The following ANKUB1 variants were observed in gnomAD, a reference collection of about 807,000 sequenced individuals.
ANKUB1 encodes ankyrin repeat and ubiquitin domain containing 1, also known as protein ANKUB1.
Under a neutral mutation model 49.3 loss-of-function variants are expected in ANKUB1, and 42 were observed. The ratio of observed to expected loss-of-function variants is 0.85; its 90% confidence interval spans 0.67 to 1.10. ANKUB1 has a LOEUF of 1.10. ANKUB1 is among the 50% of genes least tolerant of loss of function. The probability of loss-of-function intolerance (pLI) is 0.00; values close to 1 mark genes in which losing one functional copy is unlikely to be tolerated. For synonymous variants in ANKUB1, 222 were observed against 231.0 expected (o/e 0.96, Z 0.35); for missense variants, 613 against 642.0 (o/e 0.95, Z 0.49).
At chr3:149,761,863 T>C (rs953501166) in intron 5 of ANKUB1, among the ~76,000 whole-genome samples, 7 of 152,230 alleles carry the variant, frequency 4.6e-5, no homozygotes, top group Admixed American at 2.6e-4. Context: ...CTCAATATCA[T>C]GTAGAATTCT....
At chr3:149,792,206 T>C (rs1270278444) in intron 1 of ANKUB1, 71 bp downstream of exon 1, 3 of 1,109,718 alleles carry the variant, frequency 2.7e-6, no homozygotes, top group African/African-American at 3.2e-5. Context: ...CTCTACCCTT[T>C]GTACATTTTT....
chr3:149,764,508 A>G (rs1716903738), intron 5 of ANKUB1, among the ~76,000 whole-genome samples: 1 of 116,276 alleles, frequency 8.6e-6, no homozygotes, highest in South Asian at 2.7e-4. Flanking sequence ...CAGACTGACC[A>G]CCACTCCCCC....
intron 3 of ANKUB1, among the ~76,000 whole-genome samples, chr3:149,775,018 G>A (rs573823085): frequency 1.3e-5 from 2 of 152,224 alleles, no homozygotes; most frequent in Admixed American, 1.3e-4. Context: ...TCTTAGTTTT[G>A]GATTTTTAAA....
intron 3 of ANKUB1, chr3:149,779,193 T>TC (rs1437798371): frequency 6.6e-6 from 1 of 151,220 alleles, no homozygotes; most frequent in African/African-American, 2.4e-5. Flanking sequence ...TTTTTTTTTT[T>TC]CGAGACAGGG....
chr3:149,764,594 TC>T (rs1215332767), intron 5 of ANKUB1, among the ~76,000 whole-genome samples: 12 of 111,538 alleles, frequency 1.1e-4, no homozygotes, highest in Admixed American at 1.8e-4. Context: ...CTCCCTCCCT[TC>T]CTTCCTCCCT....
At chr3:149,780,150 T>G in intron 3 of ANKUB1, 89 bp downstream of exon 3, 1 of 1,041,770 alleles carries the variant, frequency 9.6e-7, no homozygotes, top group South Asian at 1.5e-5. Context: ...AAAATCTAGA[T>G]TTCTATTTTC....
intron 2 of ANKUB1, among the ~76,000 whole-genome samples, chr3:149,789,429 G>A (rs1718260065): frequency 1.3e-5 from 2 of 152,126 alleles, no homozygotes; most frequent in Non-Finnish European, 1.5e-5. Context: ...AATATGTAAA[G>A]AGAAGACATT....
In ANKUB1 at chr3:149,767,342, G is replaced by A. The variant is rs1312236997; in HGVS notation, c.1320C>T (p.Leu440=). 4 of 1,549,928 alleles carry A rather than the reference G, an allele frequency of 2.6e-6. No individual in the cohort carries two copies. The highest frequency in any genetic ancestry group is 3.5e-6 in the Non-Finnish European group (4 of 1,146,688). ...CTTGGGGAAGATATGTGTTTTTTAT[G>A]AGCTTTTCTTTTTTCCTAGCTGTGG... ...ITATARKKEK[L]IKNTYLPQVP... Residue 440 remains leucine (L), a synonymous_variant, in exon 5 of 6, where the codon CTC becomes CTT. Transcript: ENST00000446160.
chr3:149,783,964 G>GT, intron 2 of ANKUB1: 1 of 152,216 alleles, frequency 6.6e-6, no homozygotes, highest in South Asian at 2.1e-4. Flanking sequence ...GTTTATACAT[G>GT]TTTTTGTGTA....
In ANKUB1 at chr3:149,767,897, A is replaced by C; in HGVS notation, c.765T>G (p.Ile255Met). 6.4e-7 allele frequency: 1 copy of C among 1,551,482 alleles called. No individual in the cohort carries two copies. The highest frequency in any genetic ancestry group is 8.7e-7 in the Non-Finnish European group (1 of 1,146,778). Residue 255 changes from isoleucine to methionine, a missense_variant, in exon 5 of 6, where the codon ATT becomes ATG. Ile to Met is a conservative substitution (Grantham distance 10). Coordinates refer to ENST00000446160, the MANE Select transcript of ANKUB1 (RefSeq NM_001144960.3). ...CACTGTAGTTGACAAAGGCCTTCAG[A>C]ATCAACAGTTGGCCTGCTTCTGCGG... The part of the protein sequence containing the change: ...HAAAEAGQLL[I>M]LKAFVNYSVL...
rs1376604554 is a variant in ANKUB1 at position 149,767,563 on chromosome 3, T to C, written c.1099A>G (p.Asn367Asp). ...MTSKSWHKAG[N>D]SDSQSIVLKL... ...AGCACGATGCTTTGTGAGTCGCTGT[T>C]CCCAGCCTTATGCCAGCTCTTGGAG... Residue 367 changes from asparagine (N) to aspartate (D), a missense_variant, in exon 5 of 6, where the codon AAC becomes GAC. Asn to Asp is a conservative substitution (Grantham distance 23). Transcript: ENST00000446160. 9 of 1,551,530 alleles carry C rather than the reference T, an allele frequency of 5.8e-6. No individual in the cohort carries two copies. The East Asian group carries it at 2.2e-4, about 38-fold the overall frequency.
intron 5 of ANKUB1, among the ~76,000 whole-genome samples, chr3:149,765,262 C>G (rs1239513303): frequency 6.6e-6 from 1 of 152,014 alleles, no homozygotes; most frequent in African/African-American, 2.4e-5. Context: ...CAAGAACAGG[C>G]TAAAGTAATC....
At chr3:149,776,852 C>T (rs1191917950) in intron 3 of ANKUB1, among the ~76,000 whole-genome samples, 1 of 152,062 alleles carries the variant, frequency 6.6e-6, no homozygotes, top group African/African-American at 2.4e-5. Context: ...TGGGATGCAC[C>T]TGTAGTCCCA....
intron 3 of ANKUB1, among the ~76,000 whole-genome samples, chr3:149,772,907 G>T (rs566256746): frequency 6.6e-6 from 1 of 152,306 alleles, no homozygotes; most frequent in African/African-American, 2.4e-5. Flanking sequence ...GCTTATCTTT[G>T]TTGGCTGAGA....
At chr3:149,770,701 G>C (rs577591518) in intron 3 of ANKUB1, 27 bp from the exon 4 acceptor site, 1 of 1,415,712 alleles carries the variant, frequency 7.1e-7, no homozygotes, top group South Asian at 1.3e-5. Flanking sequence ...GTGGTTTATG[G>C]TTCCAGTCCA....
At chr3:149,765,532 CCACA>C (rs367702633) in intron 5 of ANKUB1, among the ~76,000 whole-genome samples, 1 of 150,082 alleles carries the variant, frequency 6.7e-6, no homozygotes, top group Non-Finnish European at 1.5e-5. Context: ...TTATCTAAAA[CCACA>C]CACACACACA....
At chr3:149,768,951 A>G (rs1281184856) in intron 4 of ANKUB1, among the ~76,000 whole-genome samples, 1 of 152,178 alleles carries the variant, frequency 6.6e-6, no homozygotes, top group African/African-American at 2.4e-5. Context: ...TAAATATAAC[A>G]CAGTGTCTGC....
chr3:149,790,634 G>A (rs111851459), intron 2 of ANKUB1, 147 bp downstream of exon 2: 8 of 788,888 alleles, frequency 1.0e-5, no homozygotes, highest in Middle Eastern at 2.5e-4. Flanking sequence ...CAAAGCATGC[G>A]TAAGACCTGT....
chr3:149,766,900 T>TA (rs1717050591), intron 5 of ANKUB1: 1 of 1,135,890 alleles, frequency 8.8e-7, no homozygotes, highest in Admixed American at 2.0e-5. Flanking sequence ...TGAGAATTGA[T>TA]ACAATTCTTT....
Sources: allele counts gnomAD v4.1 joint callset (sites outside exome capture counted in the v4.1 genomes callset), GRCh38; gene constraint gnomAD v4.1.1; transcripts MANE v1.5; gene names NCBI Gene and HGNC (gene_info 2026-07-23, HGNC 2026-07-21).